The following PDE10A variants were observed in gnomAD, a reference collection of about 807,000 sequenced individuals.
PDE10A encodes cAMP and cAMP-inhibited cGMP 3',5'-cyclic phosphodiesterase 10A.
In PDE10A, 39 loss-of-function variants were observed where a neutral mutation model predicts 97.7. That is an observed-to-expected ratio of 0.40 (90% CI 0.31 to 0.52). The LOEUF (loss-of-function observed/expected upper bound fraction) is 0.52. Among genes scored for constraint, PDE10A ranks in the 20% least tolerant of loss-of-function variants. The probability of loss-of-function intolerance (pLI) is 0.56; values close to 1 mark genes in which losing one functional copy is unlikely to be tolerated. For synonymous variants in PDE10A, 371 were observed against 376.8 expected (o/e 0.98, Z 0.18); for missense variants, 731 against 1,047.8 (o/e 0.70, Z 4.17).
At chr6:165,498,832 A>T (rs540505160) in intron 2 of PDE10A, among the ~76,000 whole-genome samples, 1 of 152,166 alleles carries the variant, frequency 6.6e-6, no homozygotes, top group Non-Finnish European at 1.5e-5. Context: ...AGAGTACATG[A>T]TTGCTCTAAT....
chr6:165,706,609 T>C (rs1261168740), intron 1 of PDE10A, among the ~76,000 whole-genome samples: 1 of 152,222 alleles, frequency 6.6e-6, no homozygotes, highest in Non-Finnish European at 1.5e-5. Context: ...CCTCAATAAA[T>C]CTTCACAGTC....
chr6:165,947,869 A>G (rs1173981751), intron 1 of PDE10A, among the ~76,000 whole-genome samples: 1 of 152,102 alleles, frequency 6.6e-6, no homozygotes, highest in African/African-American at 2.4e-5. Flanking sequence ...GGAATTATCC[A>G]TCTCACCAAT....
chr6:165,420,302 T>G (rs926447223), intron 10 of PDE10A, among the ~76,000 whole-genome samples: 1 of 152,172 alleles, frequency 6.6e-6, no homozygotes, highest in Non-Finnish European at 1.5e-5. Flanking sequence ...CAAGAGAGTA[T>G]GGCCCACAAA....
intron 12 of PDE10A, among the ~76,000 whole-genome samples, chr6:165,414,416 A>C (rs992658195): frequency 6.6e-6 from 1 of 152,204 alleles, no homozygotes; most frequent in Non-Finnish European, 1.5e-5. Flanking sequence ...AGGTAGTTAC[A>C]TGGGAGTCTT....
intron 1 of PDE10A, among the ~76,000 whole-genome samples, chr6:165,566,134 A>C (rs573303253): frequency 4.0e-4 from 61 of 152,360 alleles, no homozygotes; most frequent in African/African-American, 1.2e-3. Flanking sequence ...TGCCAAGAGA[A>C]TAAAAAGACA....
At chr6:165,885,969 T>A (rs1343693962) in intron 1 of PDE10A, among the ~76,000 whole-genome samples, 2 of 152,196 alleles carry the variant, frequency 1.3e-5, no homozygotes, top group Non-Finnish European at 2.9e-5. Flanking sequence ...ACTTTAGACG[T>A]CTGTGTATGT....
At chr6:165,966,280 C>A (rs1370195957) in intron 1 of PDE10A, among the ~76,000 whole-genome samples, 1 of 152,104 alleles carries the variant, frequency 6.6e-6, no homozygotes, top group Non-Finnish European at 1.5e-5. Context: ...GGCTGTAGAC[C>A]CCTTGTTTCC....
At chr6:165,367,978 A>G (rs1284574519) in intron 18 of PDE10A, among the ~76,000 whole-genome samples, 1 of 152,158 alleles carries the variant, frequency 6.6e-6, no homozygotes, top group Non-Finnish European at 1.5e-5. Context: ...AAAAATATAA[A>G]AAGTTATTTT....
intron 18 of PDE10A, among the ~76,000 whole-genome samples, chr6:165,344,275 T>C (rs577557434): frequency 1.4e-4 from 21 of 152,224 alleles, no homozygotes; most frequent in Non-Finnish European, 2.5e-4. Context: ...TCTTGTGATA[T>C]GTGGCTACCC....
chr6:165,974,254 A>C (rs1301105836), intron 1 of PDE10A, among the ~76,000 whole-genome samples: 1 of 152,238 alleles, frequency 6.6e-6, no homozygotes, highest in African/African-American at 2.4e-5. Context: ...GGCCTTCTAC[A>C]CAAATAGTGA....
intron 1 of PDE10A, among the ~76,000 whole-genome samples, chr6:165,729,638 T>C (rs557952348): frequency 1.3e-5 from 2 of 152,352 alleles, no homozygotes; most frequent in African/African-American, 4.8e-5. Context: ...TCTTTATAGA[T>C]ATTATAAAGC....
intron 1 of PDE10A, among the ~76,000 whole-genome samples, chr6:165,630,590 T>C (rs1390467801): frequency 6.6e-6 from 1 of 152,148 alleles, no homozygotes; most frequent in Non-Finnish European, 1.5e-5. Context: ...ACAAGGCTCG[T>C]CTCAGACTTA....
intron 1 of PDE10A, among the ~76,000 whole-genome samples, chr6:165,691,591 GCACACACACACACACA>G (rs965998795): frequency 0.018 from 950 of 51,664 alleles, 10 homozygotes; most frequent in African/African-American, 0.039. Context: ...GCACGCGCGC[GCACACACACACACACA>G]CACACACACA....
At chr6:165,790,939 G>T (rs1478771358) in intron 1 of PDE10A, among the ~76,000 whole-genome samples, 2 of 152,070 alleles carry the variant, frequency 1.3e-5, no homozygotes, top group East Asian at 1.9e-4. Flanking sequence ...CAGTTGTACA[G>T]CAGGCCTGCG....
intron 1 of PDE10A, among the ~76,000 whole-genome samples, chr6:165,713,114 G>A (rs184073731): frequency 4.6e-5 from 7 of 151,736 alleles, no homozygotes; most frequent in African/African-American, 1.5e-4. Context: ...CAAAGTCAGC[G>A]AGGCTTGAGA....
intron 1 of PDE10A, among the ~76,000 whole-genome samples, chr6:165,978,224 T>G (rs1277958519): frequency 6.6e-6 from 1 of 152,210 alleles, no homozygotes; most frequent in Non-Finnish European, 1.5e-5. Context: ...GAGCCCTTTC[T>G]AAAATCATCA....
chr6:165,980,570 G>A (rs1461154243), intron 1 of PDE10A, among the ~76,000 whole-genome samples: 1 of 152,194 alleles, frequency 6.6e-6, no homozygotes, highest in East Asian at 1.9e-4. Context: ...AGTATAAGGG[G>A]AACAGTTTAA....
intron 1 of PDE10A, among the ~76,000 whole-genome samples, chr6:165,593,928 T>C (rs1786430716): frequency 6.6e-6 from 1 of 152,228 alleles, no homozygotes; most frequent in Non-Finnish European, 1.5e-5. Context: ...CTGCACCATA[T>C]GACAACATTC....
intron 5 of PDE10A, among the ~76,000 whole-genome samples, chr6:165,448,577 G>C (rs9356358): frequency 1.3e-5 from 2 of 152,104 alleles, no homozygotes; most frequent in Non-Finnish European, 2.9e-5. Flanking sequence ...TTCTACTGTA[G>C]ATCATGTGTA....
Sources: gnomAD v4.1 joint callset for allele counts (sites outside exome capture counted in the v4.1 genomes callset) on GRCh38, gnomAD v4.1.1 for gene constraint, MANE v1.5 for transcripts, NCBI Gene and HGNC (gene_info 2026-07-23, HGNC 2026-07-21) for gene names.